Variants in CDH22 observed in about 807,000 individuals in gnomAD.
CDH22 encodes the protein cadherin 22.
In CDH22, 30 loss-of-function variants were observed where a neutral mutation model predicts 58.4. The ratio of observed to expected loss-of-function variants is 0.51; its 90% CI spans 0.38 to 0.70. The LOEUF (loss-of-function observed/expected upper bound fraction) is 0.70. Ranked by LOEUF, CDH22 falls within the 30% of genes least tolerant of loss-of-function variation. The probability of loss-of-function intolerance (pLI) is 0.00; values close to 1 mark genes in which losing one functional copy is unlikely to be tolerated. For missense variants in CDH22, 1,014 were observed against 1,233.9 expected, an observed-to-expected ratio of 0.82 and a Z score of 2.67; for synonymous variants, 513 against 558.2, an observed-to-expected ratio of 0.92 and a Z score of 1.14.
At chr20:46,207,222 C>G (rs79179927) in intron 7 of CDH22, among the ~76,000 whole-genome samples, 25 of 152,294 alleles carry the variant, frequency 1.6e-4, no homozygotes, top group Non-Finnish European at 3.1e-4. Context: ...AGGTGAGAAG[C>G]AGGTTTCAAA....
At chr20:46,295,238 A>G (rs1028935922) in intron 1 of CDH22, among the ~76,000 whole-genome samples, 2 of 152,180 alleles carry the variant, frequency 1.3e-5, no homozygotes, top group Admixed American at 1.3e-4. Flanking sequence ...GGTCTCCAGA[A>G]AAAATGTTTT....
At chr20:46,225,640 G>C (rs1196516797) in intron 4 of CDH22, among the ~76,000 whole-genome samples, 2 of 152,116 alleles carry the variant, frequency 1.3e-5, no homozygotes, top group Non-Finnish European at 2.9e-5. Context: ...TTCCTGTTTG[G>C]ACTTTTTGAA....
intron 8 of CDH22, among the ~76,000 whole-genome samples, chr20:46,190,488 G>A (rs1203659066): frequency 3.3e-5 from 5 of 152,202 alleles, no homozygotes; most frequent in East Asian, 1.9e-4. Flanking sequence ...CCCAATGGCC[G>A]GCTGCAGGTG....
chr20:46,298,810 C>G (rs1006836539), intron 1 of CDH22, among the ~76,000 whole-genome samples: 1 of 152,132 alleles, frequency 6.6e-6, no homozygotes, highest in Admixed American at 6.5e-5. Context: ...CTCCCAGACA[C>G]CAGGCCTGAG....
chr20:46,229,914 G>GCT (rs1259484233), intron 3 of CDH22, among the ~76,000 whole-genome samples: 8 of 152,044 alleles, frequency 5.3e-5, no homozygotes, highest in Non-Finnish European at 1.0e-4. Context: ...ACATGGCTGA[G>GCT]CTCTCTCTCT....
intron 1 of CDH22, among the ~76,000 whole-genome samples, chr20:46,252,405 C>CT (rs1408119145): frequency 6.6e-6 from 1 of 152,210 alleles, no homozygotes; most frequent in Non-Finnish European, 1.5e-5. Flanking sequence ...CGAGAGACAT[C>CT]TTTCCTCCCC....
intron 5 of CDH22, among the ~76,000 whole-genome samples, chr20:46,215,600 A>G (rs2086078351): frequency 6.6e-6 from 1 of 152,186 alleles, no homozygotes; most frequent in South Asian, 2.1e-4. Context: ...TGGTCATAGG[A>G]TTGTTTGCTT....
intron 1 of CDH22, among the ~76,000 whole-genome samples, chr20:46,299,853 G>A (rs905026212): frequency 6.6e-6 from 1 of 152,212 alleles, no homozygotes; most frequent in Non-Finnish European, 1.5e-5. Context: ...CTCCTAGGCA[G>A]TTCTCTCAAC....
chr20:46,268,633 C>T (rs934302487), intron 1 of CDH22, among the ~76,000 whole-genome samples: 3 of 152,314 alleles, frequency 2.0e-5, no homozygotes, highest in South Asian at 4.1e-4. Context: ...GCTGGAGCCT[C>T]CTTAGCCCCA....
At chr20:46,271,596 C>T (rs2086489423) in intron 1 of CDH22, among the ~76,000 whole-genome samples, 1 of 152,144 alleles carries the variant, frequency 6.6e-6, no homozygotes, top group Non-Finnish European at 1.5e-5. Flanking sequence ...CCAACATGCA[C>T]CGAGATGGCT....
intron 8 of CDH22, among the ~76,000 whole-genome samples, chr20:46,188,673 T>A (rs906635613): frequency 6.6e-6 from 1 of 152,150 alleles, no homozygotes; most frequent in African/African-American, 2.4e-5. Flanking sequence ...ATTAAATAAT[T>A]CTAGGATGTG....
At chr20:46,253,822 G>A (rs1213816077) in intron 1 of CDH22, among the ~76,000 whole-genome samples, 1 of 152,216 alleles carries the variant, frequency 6.6e-6, no homozygotes, top group Non-Finnish European at 1.5e-5. Context: ...AGGCTGAAGG[G>A]AGAGAGAATT....
chr20:46,290,786 G>A (rs1277761325), intron 1 of CDH22, among the ~76,000 whole-genome samples: 5 of 152,128 alleles, frequency 3.3e-5, no homozygotes, highest in African/African-American at 1.2e-4. Flanking sequence ...GGGAGCTGGT[G>A]AAAGAGAGAG....
At chr20:46,266,185 A>G (rs1435119489) in intron 1 of CDH22, among the ~76,000 whole-genome samples, 1 of 152,136 alleles carries the variant, frequency 6.6e-6, no homozygotes, top group East Asian at 1.9e-4. Context: ...TTGTCCTCAC[A>G]CATCCTGTCT....
chr20:46,177,230 G>A (rs2085747436), intron 11 of CDH22, among the ~76,000 whole-genome samples: 1 of 152,244 alleles, frequency 6.6e-6, no homozygotes, highest in Non-Finnish European at 1.5e-5. Context: ...CCTCCCTTGA[G>A]CTCCTCTAGC....
chr20:46,284,149 G>A lies in CDH22; in HGVS notation c.-400+24106C>T, dbSNP rs1314454624. Among the ~76,000 whole-genome samples the A allele has an allele frequency of 3.3e-5, 5 of 152,152 alleles. No individual in the cohort carries two copies. The East Asian group carries it at 5.8e-4, about 18-fold the overall frequency. On this transcript the variant is annotated intron_variant, in intron 1 of 11. Transcript: ENST00000537909. ...TAGTGACAAGCTGCCTATACACACC[G>A]AGAGGGGGCTGGCTGGCCCGGGTCT...
intron 1 of CDH22, among the ~76,000 whole-genome samples, chr20:46,252,965 G>T (rs555930394): frequency 6.6e-6 from 1 of 152,176 alleles, no homozygotes; most frequent in Non-Finnish European, 1.5e-5. Context: ...AAAGGGATGG[G>T]CATTTCAGGC....
chr20:46,204,582 C>T (rs971617752), intron 7 of CDH22, among the ~76,000 whole-genome samples: 2 of 152,086 alleles, frequency 1.3e-5, no homozygotes, highest in Non-Finnish European at 2.9e-5. Context: ...TCCTCAGATA[C>T]TGTCATCACT....
At chr20:46,281,382 AG>A (rs2086550164) in intron 1 of CDH22, among the ~76,000 whole-genome samples, 1 of 152,206 alleles carries the variant, frequency 6.6e-6, no homozygotes, top group Admixed American at 6.5e-5. Context: ...GGATTTTGAA[AG>A]ATGCTAGGAT....
Sources: allele counts gnomAD v4.1 joint callset (sites outside exome capture counted in the v4.1 genomes callset), GRCh38; gene constraint gnomAD v4.1.1; transcripts MANE v1.5; gene names NCBI Gene and HGNC (gene_info 2026-07-23, HGNC 2026-07-21).